GRIK2: variants seen among roughly 807,000 people sequenced by gnomAD.
GRIK2 encodes glutamate receptor ionotropic, kainate 2.
A neutral mutation model predicts 100.3 loss-of-function variants in GRIK2; 32 were observed. The observed-to-expected ratio is 0.32, with a 90% CI of 0.24 to 0.43. The LOEUF is 0.43. Among genes scored for constraint, GRIK2 ranks in the 20% least tolerant of loss-of-function variants. The pLI, the probability that GRIK2 is intolerant of heterozygous loss-of-function variation, is 1.00. For synonymous variants in GRIK2, 417 were observed against 389.4 expected (o/e 1.07, Z -0.83); for missense variants, 843 against 1,114.9 (o/e 0.76, Z 3.47).
At chr6:101,791,999 A>C (rs2128408619) in intron 7 of GRIK2, among the ~76,000 whole-genome samples, 1 of 151,964 alleles carries the variant, frequency 6.6e-6, no homozygotes, top group South Asian at 2.1e-4. Flanking sequence ...GTTGGTTTAA[A>C]GTCTGTTTTA....
At chr6:101,900,788 G>T (rs201193042) in intron 12 of GRIK2, among the ~76,000 whole-genome samples, 1 of 151,852 alleles carries the variant, frequency 6.6e-6, no homozygotes, top group Non-Finnish European at 1.5e-5. Context: ...GGCTATTTTT[G>T]TGTCATCCAG....
intron 4 of GRIK2, among the ~76,000 whole-genome samples, chr6:101,644,420 C>A (rs1318117165): frequency 6.6e-6 from 1 of 151,278 alleles, no homozygotes; most frequent in African/African-American, 2.4e-5. Flanking sequence ...CTAGAGATGC[C>A]CAAGAATAAA....
intron 12 of GRIK2, among the ~76,000 whole-genome samples, chr6:101,905,786 C>G (rs1293888326): frequency 6.6e-6 from 1 of 151,216 alleles, no homozygotes; most frequent in Non-Finnish European, 1.5e-5. Context: ...ATGTCTCGCT[C>G]ATTCATAATT....
chr6:102,044,996 G>GTATC (rs1417505818), intron 15 of GRIK2, among the ~76,000 whole-genome samples: 1 of 151,888 alleles, frequency 6.6e-6, no homozygotes, highest in Non-Finnish European at 1.5e-5. Context: ...AATTTTTAAA[G>GTATC]TATCTTTTTC....
intron 2 of GRIK2, among the ~76,000 whole-genome samples, chr6:101,559,614 A>G (rs1281499706): frequency 6.6e-6 from 1 of 152,132 alleles, no homozygotes; most frequent in Non-Finnish European, 1.5e-5. Context: ...TGGGAACATA[A>G]TGCTTTTCAA....
At chr6:101,948,325 T>A (rs990606276) in intron 14 of GRIK2, among the ~76,000 whole-genome samples, 4 of 150,946 alleles carry the variant, frequency 2.6e-5, no homozygotes, top group South Asian at 4.2e-4. Context: ...TTTTTTTTTT[T>A]AAAGTCTCTT....
At chr6:101,655,118 G>A (rs1171751574) in intron 4 of GRIK2, among the ~76,000 whole-genome samples, 2 of 152,028 alleles carry the variant, frequency 1.3e-5, no homozygotes, top group African/African-American at 2.4e-5. Context: ...TGATTTTAAG[G>A]TACTCATTTA....
At chr6:101,690,358 A>T (rs1300668299) in intron 7 of GRIK2, among the ~76,000 whole-genome samples, 2 of 152,148 alleles carry the variant, frequency 1.3e-5, no homozygotes, top group African/African-American at 4.8e-5. Flanking sequence ...TTAGAAGTTT[A>T]AACCCTGGAC....
intron 2 of GRIK2, among the ~76,000 whole-genome samples, chr6:101,444,325 C>T (rs1341921764): frequency 6.6e-6 from 1 of 151,846 alleles, no homozygotes; most frequent in Non-Finnish European, 1.5e-5. Context: ...TGTATTTATT[C>T]ATATAGCTAT....
At chr6:101,658,275 C>T (rs754829435) in intron 4 of GRIK2, among the ~76,000 whole-genome samples, 2 of 152,138 alleles carry the variant, frequency 1.3e-5, no homozygotes, top group Non-Finnish European at 2.9e-5. Flanking sequence ...TATTGTTCAA[C>T]TCCCACTTAT....
intron 12 of GRIK2, among the ~76,000 whole-genome samples, chr6:101,903,246 T>G (rs141324144): frequency 6.6e-6 from 1 of 152,046 alleles, no homozygotes; most frequent in East Asian, 1.9e-4. Context: ...TATCTGAGCT[T>G]ACTGCCACTT....
chr6:101,712,251 C>T (rs1482870528), intron 7 of GRIK2, among the ~76,000 whole-genome samples: 2 of 151,970 alleles, frequency 1.3e-5, no homozygotes, highest in Non-Finnish European at 2.9e-5. Flanking sequence ...GTGTGTGGTC[C>T]ACTGAGCAGC....
intron 4 of GRIK2, among the ~76,000 whole-genome samples, chr6:101,665,469 T>C (rs1383345315): frequency 6.6e-6 from 1 of 152,182 alleles, no homozygotes; most frequent in African/African-American, 2.4e-5. Context: ...AAATCTAAAA[T>C]TTTATATTCT....
At chr6:101,708,649 G>GT (rs756187880) in intron 7 of GRIK2, among the ~76,000 whole-genome samples, 10 of 151,636 alleles carry the variant, frequency 6.6e-5, no homozygotes, top group African/African-American at 2.2e-4. Flanking sequence ...AGAAGAATCT[G>GT]TTTTTATATA....
intron 2 of GRIK2, among the ~76,000 whole-genome samples, chr6:101,481,882 G>C (rs1440322753): frequency 6.6e-6 from 1 of 152,126 alleles, no homozygotes; most frequent in Non-Finnish European, 1.5e-5. Flanking sequence ...TCTGATGATA[G>C]TGAGTGAGTT....
intron 16 of GRIK2, among the ~76,000 whole-genome samples, chr6:102,062,888 AT>A (rs1029907640): frequency 7.3e-5 from 11 of 150,560 alleles, no homozygotes; most frequent in South Asian, 2.1e-4. Flanking sequence ...TCCTATGAAT[AT>A]TTTTTCCATT....
At chr6:101,802,688 A>G (rs966885516) in intron 9 of GRIK2, among the ~76,000 whole-genome samples, 19 of 152,064 alleles carry the variant, frequency 1.2e-4, no homozygotes, top group African/African-American at 3.9e-4. Context: ...TTTGAAGTGC[A>G]TATAATGTTA....
intron 7 of GRIK2, among the ~76,000 whole-genome samples, chr6:101,788,790 A>C (rs1280953476): frequency 6.6e-6 from 1 of 152,222 alleles, no homozygotes; most frequent in Non-Finnish European, 1.5e-5. Context: ...CGCCACACTG[A>C]CTTCCACAAT....
intron 12 of GRIK2, among the ~76,000 whole-genome samples, chr6:101,917,586 CT>C (rs550289967): frequency 0.11 from 16,174 of 143,994 alleles, 933 homozygotes; most frequent in Middle Eastern, 0.22. Flanking sequence ...TGTCACTTGC[CT>C]TTTTTTTTTT....
Sources: gnomAD v4.1 joint callset for allele counts (sites outside exome capture counted in the v4.1 genomes callset) on GRCh38, gnomAD v4.1.1 for gene constraint, MANE v1.5 for transcripts, NCBI Gene and HGNC (gene_info 2026-07-23, HGNC 2026-07-21) for gene names.